CNGB1: variants seen among roughly 807,000 people sequenced by gnomAD.
The protein encoded by CNGB1 is cyclic nucleotide-gated channel beta-1.
A neutral mutation model predicts 151.7 loss-of-function variants in CNGB1; 126 were observed. The ratio of observed to expected loss-of-function variants is 0.83; its 90% CI spans 0.72 to 0.96. The LOEUF is 0.96. Ranked by LOEUF, CNGB1 falls within the 40% of genes least tolerant of loss-of-function variation. The pLI, the probability that CNGB1 is intolerant of heterozygous loss-of-function variation, is 0.00. For missense variants in CNGB1, 1,698 were observed against 1,627.0 expected (o/e 1.04, Z -0.75); for synonymous variants, 623 against 635.1 (o/e 0.98, Z 0.29).
intron 25 of CNGB1, among the ~76,000 whole-genome samples, chr16:57,905,888 T>C (rs189916706): frequency 2.6e-4 from 40 of 152,352 alleles, no homozygotes; most frequent in African/African-American, 6.0e-4. Context: ...GAAAAATAAG[T>C]TTCTGTTCTT....
intron 14 of CNGB1, among the ~76,000 whole-genome samples, chr16:57,941,231 T>C (rs1961660087): frequency 6.6e-6 from 1 of 152,180 alleles, no homozygotes; most frequent in South Asian, 2.1e-4. Context: ...ACTAATGTGA[T>C]TTTTGTAGTT....
At chr16:57,912,811 TTG>T (rs1278900857) in intron 24 of CNGB1, 117 bp downstream of exon 24, 44 of 1,000,618 alleles carry the variant, frequency 4.4e-5, no homozygotes, top group Middle Eastern at 2.1e-4. Context: ...TGTGTGTGTG[TTG>T]TGTGTGTCGT....
At chr16:57,964,401 C>G (rs1962335998) in intron 3 of CNGB1, 86 bp downstream of exon 3, 4 of 1,545,508 alleles carry the variant, frequency 2.6e-6, no homozygotes, top group Non-Finnish European at 3.6e-6. Flanking sequence ...TGAAATGGGT[C>G]CGCCAGCCTC....
At position 57,903,491 on chromosome 16, in the gene CNGB1, C is replaced by CAAAT. The variant is rs534062543; in HGVS notation, c.2794+327_2794+330dup. Among the ~76,000 whole-genome samples, 298 of 152,084 alleles carry CAAAT rather than the reference C, an allele frequency of 2.0e-3. 1 individual carries two copies. Among genetic ancestry groups the CAAAT allele is most frequent in the African/African-American group, 6.6e-3 (275 of 41,510 alleles). Reference sequence around the variant, plus strand: ...TGGGTGACAGAACGAGACTCCATGTCAAATAAATAAATAAATAAACAAACA... The same window carrying CAAAT: ...TGGGTGACAGAACGAGACTCCATGTCAAATAAATAAATAAATAAATAAACAAACA... On this transcript the variant is annotated intron_variant, in intron 27 of 32. Transcript: ENST00000251102.
At chr16:57,920,897 A>G (rs1961013354) in intron 18 of CNGB1, among the ~76,000 whole-genome samples, 1 of 152,346 alleles carries the variant, frequency 6.6e-6, no homozygotes, top group South Asian at 2.1e-4. Flanking sequence ...ATCCCAGTGC[A>G]GGGTTCACAT....
Position 57,967,159 on chromosome 16 carries a change from G to T in CNGB1, c.128C>A (p.Pro43His), listed in dbSNP as rs1190527759. 1 of 1,614,202 alleles carries T rather than the reference G, an allele frequency of 6.2e-7. No individual in the cohort carries two copies. The part of the protein sequence containing the change: ...MEAEVEPEPN[P>H]EEAETESESM... The stretch of plus-strand genomic sequence containing the variant: ...CTCGGACTCTGTCTCGGCCTCCTCA[G>T]GATTCGGTTCTGGTTCCACCTCCGC... Residue 43 changes from proline (P) to histidine (H), a missense_variant, in exon 2 of 33, where the codon CCT becomes CAT. Coordinates refer to ENST00000251102, the MANE Select transcript of CNGB1 (RefSeq NM_001297.5).
chr16:57,915,163 C>T (rs1960828240), intron 23 of CNGB1, 86 bp downstream of exon 23: 7 of 1,082,622 alleles, frequency 6.5e-6, no homozygotes, highest in Non-Finnish European at 9.7e-6. Context: ...CTCCCCAGTG[C>T]TGCTGGGGGC....
Position 57,961,241 on chromosome 16 carries a change from A to G in CNGB1, c.459-326T>C, listed in dbSNP as rs1962248766. 6.6e-5 allele frequency among the ~76,000 whole-genome samples: 10 copies of G among 152,240 alleles called. No homozygotes were observed. The South Asian group carries it at 2.1e-3, about 32-fold the overall frequency. On this transcript the variant is annotated intron_variant, in intron 7 of 32. Transcript: ENST00000251102. ...GGAACAGACAGGGCTGGCTGGCTGT[A>G]CAGGAGTGTGACCTGTGCCATCACA...
Position 57,944,132 on chromosome 16 carries a change from C to A in CNGB1, c.1122-3811G>T, listed in dbSNP as rs1448299499. ...TGAACTCCTGACCTCAGGTGATCCA[C>A]CTGCCTCAGCCTCCCAAGTGTCTAT... On this transcript the variant is annotated intron_variant, in intron 14 of 32. Coordinates refer to ENST00000251102, the MANE Select transcript of CNGB1 (RefSeq NM_001297.5). 4.6e-5 allele frequency among the ~76,000 whole-genome samples: 7 copies of A among 152,064 alleles called. No individual in the cohort carries two copies. The East Asian group carries it at 1.3e-3, about 29-fold the overall frequency.
intron 16 of CNGB1, among the ~76,000 whole-genome samples, chr16:57,938,662 G>A (rs1405138002): frequency 5.9e-5 from 9 of 152,154 alleles, no homozygotes; most frequent in Admixed American, 1.3e-4. Context: ...GGCCAAATCC[G>A]CACACACAGA....
intron 27 of CNGB1, among the ~76,000 whole-genome samples, chr16:57,902,758 C>T (rs1040575681): frequency 7.3e-5 from 11 of 151,662 alleles, no homozygotes; most frequent in East Asian, 2.0e-4. Context: ...CTCACAGGGA[C>T]GCACCAACAT....
intron 2 of CNGB1, among the ~76,000 whole-genome samples, chr16:57,965,646 A>G (rs1480148129): frequency 1.0e-5 from 1 of 98,088 alleles, no homozygotes; most frequent in East Asian, 2.7e-4. Flanking sequence ...AGACAGGCAA[A>G]TATGTGTATA....
chr16:57,965,376 C>T (rs1416416284), intron 2 of CNGB1, among the ~76,000 whole-genome samples: 1 of 152,244 alleles, frequency 6.6e-6, no homozygotes, highest in East Asian at 1.9e-4. Context: ...CATATACACA[C>T]ATGCATTCAT....
chr16:57,964,588 G>A, intron 2 of CNGB1, 44 bp from the exon 3 acceptor site: 1 of 1,607,748 alleles, frequency 6.2e-7, no homozygotes, highest in Non-Finnish European at 8.5e-7. Context: ...GGTGAGACCA[G>A]CCTGGTTTGG....
At chr16:57,884,546 G>T in intron 32 of CNGB1, 89 bp from the exon 33 acceptor site, 1 of 1,475,080 alleles carries the variant, frequency 6.8e-7, no homozygotes, top group Non-Finnish European at 9.4e-7. Context: ...CAGCCTTTTT[G>T]GACCCCCAAA....
intron 14 of CNGB1, among the ~76,000 whole-genome samples, chr16:57,941,185 C>T (rs1484197293): frequency 1.3e-5 from 2 of 152,130 alleles, no homozygotes; most frequent in Non-Finnish European, 2.9e-5. Flanking sequence ...TGTCCGTGTG[C>T]GACCTCTGGG....
intron 16 of CNGB1, among the ~76,000 whole-genome samples, chr16:57,933,724 C>CTTTTTTTT (rs5817126): frequency 8.4e-6 from 1 of 119,596 alleles, no homozygotes; most frequent in Non-Finnish European, 1.8e-5. Context: ...CTTTTCTTTT[C>CTTTTTTTT]TTTTTTTTTT....
At chr16:57,914,803 G>C (rs1227415829) in intron 23 of CNGB1, among the ~76,000 whole-genome samples, 1 of 152,148 alleles carries the variant, frequency 6.6e-6, no homozygotes, top group Non-Finnish European at 1.5e-5. Flanking sequence ...TTGCTCCTGC[G>C]ACCTAGGGCA....
chr16:57,920,393 T>A lies in CNGB1; in HGVS notation c.1795A>T (p.Lys599Ter). ...PDVTSDEESP[K>*]PSPAKKAPEP... ...CCTCCAGCTCCAGACTCACAGGGCT[T>A]GGGGCTCTCCTCATCAGAGGTGACG... The change falls in exon 19 of 33, where the codon AAG becomes TAG. Residue 599 changes from lysine to a stop codon, truncating the protein, a stop_gained. Transcript: ENST00000251102. LOFTEE classifies it high-confidence loss of function. 1 of 1,614,128 alleles carries A rather than the reference T, an allele frequency of 6.2e-7. No homozygotes were observed. Among genetic ancestry groups the A allele is most frequent in the Non-Finnish European group, 8.5e-7 (1 of 1,180,032 alleles).
Sources: allele counts gnomAD v4.1 joint callset (sites outside exome capture counted in the v4.1 genomes callset), GRCh38; gene constraint gnomAD v4.1.1; transcripts MANE v1.5; gene names NCBI Gene and HGNC (gene_info 2026-07-23, HGNC 2026-07-21).